SDC2: variants seen among roughly 807,000 people sequenced by gnomAD.
SDC2 encodes syndecan 2, also known as syndecan-2.
SDC2 carries 13 observed loss-of-function variants against 22.2 expected under a neutral mutation model. The ratio of observed to expected loss-of-function variants is 0.59; its 90% CI spans 0.38 to 0.93. The LOEUF (loss-of-function observed/expected upper bound fraction) is 0.93, where lower values mean the gene tolerates loss of function less well. Among genes scored for constraint, SDC2 ranks in the 40% least tolerant of loss-of-function variants. The pLI, the probability that SDC2 is intolerant of heterozygous loss-of-function variation, is 0.00. For missense variants in SDC2, 235 were observed against 246.8 expected, an observed-to-expected ratio of 0.95 and a Z score of 0.32; for synonymous variants, 94 against 92.8, an observed-to-expected ratio of 1.01 and a Z score of -0.07.
At chr8:96,568,015 A>G (rs1477427568) in intron 1 of SDC2, among the ~76,000 whole-genome samples, 1 of 152,248 alleles carries the variant, frequency 6.6e-6, no homozygotes, top group East Asian at 1.9e-4. Flanking sequence ...ATGCTTTTGT[A>G]TAGAGGCATA....
At chr8:96,565,363 G>C (rs538250197) in intron 1 of SDC2, among the ~76,000 whole-genome samples, 3 of 151,874 alleles carry the variant, frequency 2.0e-5, no homozygotes, top group Admixed American at 6.6e-5. Context: ...GAGATTACAG[G>C]CGTGAGCCAC....
intron 1 of SDC2, among the ~76,000 whole-genome samples, chr8:96,551,694 C>T (rs964603060): frequency 6.6e-6 from 1 of 152,142 alleles, no homozygotes; most frequent in Non-Finnish European, 1.5e-5. Flanking sequence ...TGAATTTAAT[C>T]ATTTATGAGA....
At chr8:96,532,413 T>TG (rs1813677343) in intron 1 of SDC2, among the ~76,000 whole-genome samples, 1 of 48,902 alleles carries the variant, frequency 2.0e-5, no homozygotes, top group Non-Finnish European at 4.2e-5. Flanking sequence ...TATTGAGGCG[T>TG]TTTTTTTTTT....
chr8:96,572,594 TA>T (rs199532810), intron 1 of SDC2, among the ~76,000 whole-genome samples: 1 of 151,768 alleles, frequency 6.6e-6, no homozygotes, highest in Non-Finnish European at 1.5e-5. Flanking sequence ...GCTAATTTGT[TA>T]AAAAAAACAA....
At chr8:96,498,405 G>A (rs1331707806) in intron 1 of SDC2, among the ~76,000 whole-genome samples, 1 of 152,024 alleles carries the variant, frequency 6.6e-6, no homozygotes, top group African/African-American at 2.4e-5. Flanking sequence ...CCCAGCTCCT[G>A]ACCTGAGCTC....
chr8:96,572,285 A>G (rs1814409263), intron 1 of SDC2, among the ~76,000 whole-genome samples: 1 of 152,228 alleles, frequency 6.6e-6, no homozygotes, highest in Non-Finnish European at 1.5e-5. Context: ...GTTAATACCT[A>G]AAATCTTTCA....
intron 1 of SDC2, among the ~76,000 whole-genome samples, chr8:96,556,458 G>T (rs2130550744): frequency 6.6e-6 from 1 of 152,144 alleles, no homozygotes; most frequent in South Asian, 2.1e-4. Context: ...AGAGCCCTCA[G>T]AAATAACGCC....
intron 1 of SDC2, among the ~76,000 whole-genome samples, chr8:96,517,233 G>A (rs997880794): frequency 2.0e-5 from 3 of 152,160 alleles, no homozygotes; most frequent in Non-Finnish European, 4.4e-5. Flanking sequence ...TTAGCCATTT[G>A]TATTTACTCT....
At chr8:96,558,076 C>T (rs1445052476) in intron 1 of SDC2, among the ~76,000 whole-genome samples, 3 of 151,630 alleles carry the variant, frequency 2.0e-5, no homozygotes, top group Non-Finnish European at 4.4e-5. Context: ...TGAAACCTGT[C>T]TGAGAGAAGG....
At chr8:96,607,433 A>T (rs751286416) in intron 3 of SDC2, among the ~76,000 whole-genome samples, 13 of 152,208 alleles carry the variant, frequency 8.5e-5, no homozygotes, top group Non-Finnish European at 1.3e-4. Context: ...AACATATGAT[A>T]GAAAATGTGC....
At chr8:96,599,479 G>A (rs1355150556) in intron 2 of SDC2, among the ~76,000 whole-genome samples, 1 of 152,124 alleles carries the variant, frequency 6.6e-6, no homozygotes, top group Non-Finnish European at 1.5e-5. Context: ...AATGTTGATA[G>A]ATAATTAGGT....
chr8:96,509,517 G>A (rs1586271170), intron 1 of SDC2, among the ~76,000 whole-genome samples: 1 of 141,758 alleles, frequency 7.1e-6, no homozygotes, highest in Non-Finnish European at 1.6e-5. Context: ...TTCCATCTGG[G>A]TAGTGGAGGG....
intron 1 of SDC2, among the ~76,000 whole-genome samples, chr8:96,502,127 C>T (rs1029097560): frequency 6.6e-6 from 1 of 152,178 alleles, no homozygotes; most frequent in African/African-American, 2.4e-5. Flanking sequence ...CACAGTTCCA[C>T]ATGGCTGGGG....
intron 1 of SDC2, among the ~76,000 whole-genome samples, chr8:96,500,491 G>A (rs1291418323): frequency 2.6e-5 from 4 of 151,908 alleles, no homozygotes; most frequent in East Asian, 1.9e-4. Flanking sequence ...GTGAAACCCC[G>A]TCTCTACTAA....
At chr8:96,587,448 C>CTTGAACA (rs2130620907) in intron 1 of SDC2, among the ~76,000 whole-genome samples, 1 of 152,314 alleles carries the variant, frequency 6.6e-6, no homozygotes, top group Non-Finnish European at 1.5e-5. Flanking sequence ...TCAGCCATAT[C>CTTGAACA]TAACATATTC....
At chr8:96,573,776 T>C (rs1213519393) in intron 1 of SDC2, among the ~76,000 whole-genome samples, 2 of 152,114 alleles carry the variant, frequency 1.3e-5, no homozygotes, top group African/African-American at 4.8e-5. Context: ...GCCTGATCTT[T>C]CCAAACACAG....
intron 1 of SDC2, among the ~76,000 whole-genome samples, chr8:96,573,414 T>C (rs754952104): frequency 2.4e-4 from 7 of 29,522 alleles, no homozygotes; most frequent in Non-Finnish European, 6.5e-4. Context: ...ATGGGATTGC[T>C]AAGGCTCAGG....
At chr8:96,583,462 G>T (rs1814628096) in intron 1 of SDC2, among the ~76,000 whole-genome samples, 1 of 132,550 alleles carries the variant, frequency 7.5e-6, no homozygotes, top group South Asian at 2.4e-4. Flanking sequence ...AAGTTTATTT[G>T]CACAGTTGAT....
At position 96,494,133 on chromosome 8, in the gene SDC2, GAGTCCCCGAGCC is replaced by G; in HGVS notation, c.-138_-127del. ...GCGAGCGCCCCCGAGCCCCGAGCCC[GAGTCCCCGAGCC>G]TGAGCCGCAATCGCTGCGGTACTCT... is the stretch of plus-strand genomic sequence containing the variant. On this transcript the variant is annotated 5_prime_UTR_variant, in exon 1 of 5. Coordinates refer to ENST00000302190, the MANE Select transcript of SDC2 (RefSeq NM_002998.4). 1 of 829,440 alleles carries G rather than the reference GAGTCCCCGAGCC, an allele frequency of 1.2e-6. No homozygotes were observed. Among genetic ancestry groups the G allele is most frequent in the Non-Finnish European group, 1.8e-6 (1 of 554,576 alleles). 51.4% of individuals were successfully genotyped at this position (829,440 alleles called of 1,614,324 possible). A position where few individuals can be genotyped will look rare whatever the true frequency, so the allele number is the denominator to read the frequency against.
Sources: allele counts gnomAD v4.1 joint callset (sites outside exome capture counted in the v4.1 genomes callset), GRCh38; gene constraint gnomAD v4.1.1; transcripts MANE v1.5; gene names NCBI Gene and HGNC (gene_info 2026-07-23, HGNC 2026-07-21).